Variants in CSMD3 observed in about 807,000 individuals in gnomAD.
CSMD3 encodes the protein CUB and sushi domain-containing protein 3.
A neutral mutation model predicts 435.2 loss-of-function variants in CSMD3; 177 were observed. The ratio of observed to expected loss-of-function variants is 0.41; its 90% CI spans 0.36 to 0.46. The LOEUF is 0.46. CSMD3 is among the 20% of genes least tolerant of loss of function. The probability of loss-of-function intolerance (pLI) is 0.34; values close to 1 mark genes in which losing one functional copy is unlikely to be tolerated. For missense variants in CSMD3, 4,265 were observed against 4,504.6 expected, an observed-to-expected ratio of 0.95 and a Z score of 1.52; for synonymous variants, 1,656 against 1,520.5, an observed-to-expected ratio of 1.09 and a Z score of -2.07.
At chr8:113,013,746 A>G (rs1045709959) in intron 6 of CSMD3, among the ~76,000 whole-genome samples, 6 of 152,034 alleles carry the variant, frequency 3.9e-5, no homozygotes, top group Non-Finnish European at 8.8e-5. Flanking sequence ...GAGCCTGGGG[A>G]GCGAGTCCAT....
chr8:113,286,943 TGAA>T (rs989613524), intron 2 of CSMD3, among the ~76,000 whole-genome samples: 88 of 151,544 alleles, frequency 5.8e-4, no homozygotes, highest in African/African-American at 1.9e-3. Flanking sequence ...GAATGACTGA[TGAA>T]GAAAGAAATA....
At chr8:113,099,876 T>C (rs571260825) in intron 4 of CSMD3, among the ~76,000 whole-genome samples, 60 of 152,248 alleles carry the variant, frequency 3.9e-4, no homozygotes, top group Admixed American at 7.2e-4. Flanking sequence ...AGTTCACTTG[T>C]GAAATAAATT....
chr8:112,686,840 GT>G (rs1489410623), intron 14 of CSMD3, among the ~76,000 whole-genome samples: 2 of 151,808 alleles, frequency 1.3e-5, no homozygotes, highest in African/African-American at 4.8e-5. Context: ...ACTAAATTAT[GT>G]TTTCCTTATA....
Position 112,255,315 on chromosome 8 carries a change from T to C in CSMD3, c.9975A>G (p.Gly3325=), listed in dbSNP as rs780343810. ...FSCNFPFILV[G]SSTRICQADG... ...CTGCTTGACATATTCTGGTGCTTGA[T>C]CCCACTAATATGAAAGGAAAATTGC... The change falls in exon 62 of 71, where the codon GGA becomes GGG. Residue 3325 remains glycine (G), a synonymous_variant. Coordinates refer to ENST00000297405, the MANE Select transcript of CSMD3 (RefSeq NM_198123.2). The C allele has an allele frequency of 6.2e-7, 1 of 1,613,552 alleles. No individual in the cohort carries two copies. Among genetic ancestry groups the C allele is most frequent in the South Asian group, 1.1e-5 (1 of 91,078 alleles).
At chr8:112,345,466 A>C (rs1270825269) in intron 41 of CSMD3, among the ~76,000 whole-genome samples, 1 of 152,154 alleles carries the variant, frequency 6.6e-6, no homozygotes, top group Non-Finnish European at 1.5e-5. Flanking sequence ...GGAGGGCATT[A>C]TGTTAAGTGC....
At chr8:112,294,777 C>T (rs915344459) in intron 54 of CSMD3, among the ~76,000 whole-genome samples, 1 of 152,028 alleles carries the variant, frequency 6.6e-6, no homozygotes, top group African/African-American at 2.4e-5. Context: ...GGATATATGT[C>T]GAACTGGTGA....
chr8:112,471,119 T>A (rs1210496697), intron 32 of CSMD3, among the ~76,000 whole-genome samples: 3 of 152,168 alleles, frequency 2.0e-5, no homozygotes, highest in Admixed American at 1.3e-4. Flanking sequence ...ATCTCCAGGA[T>A]GACCAGCATG....
intron 1 of CSMD3, among the ~76,000 whole-genome samples, chr8:113,355,170 A>G (rs965977962): frequency 6.6e-6 from 1 of 152,210 alleles, no homozygotes; most frequent in African/African-American, 2.4e-5. Flanking sequence ...TAACATAAAC[A>G]AGTATCATAT....
intron 7 of CSMD3, among the ~76,000 whole-genome samples, chr8:112,967,457 T>C (rs7840573): frequency 0.61 from 92,727 of 151,652 alleles, 30,133 homozygotes; most frequent in East Asian, 0.95. Flanking sequence ...AGGTTTTATT[T>C]TTCTCAAGTT....
chr8:112,944,319 T>C (rs1268629426), intron 9 of CSMD3, among the ~76,000 whole-genome samples: 1 of 151,712 alleles, frequency 6.6e-6, no homozygotes, highest in Non-Finnish European at 1.5e-5. Context: ...TTCTATTAGA[T>C]TGAAAATAAT....
chr8:113,208,679 G>A (rs918967630), intron 3 of CSMD3, among the ~76,000 whole-genome samples: 1 of 151,940 alleles, frequency 6.6e-6, no homozygotes, highest in African/African-American at 2.4e-5. Flanking sequence ...ATGAAAAAAG[G>A]TAATTAACAT....
chr8:113,182,740 T>C (rs1244958829), intron 3 of CSMD3, among the ~76,000 whole-genome samples: 3 of 152,020 alleles, frequency 2.0e-5, no homozygotes, highest in Non-Finnish European at 4.4e-5. Context: ...CTTTGTCCTT[T>C]GTCTATAAGG....
At chr8:112,228,445 T>G (rs1391631009) in intron 70 of CSMD3, among the ~76,000 whole-genome samples, 4 of 152,200 alleles carry the variant, frequency 2.6e-5, no homozygotes, top group African/African-American at 9.6e-5. Flanking sequence ...AGATTTTCTA[T>G]CTCTAAAGTC....
chr8:112,273,371 C>G (rs1191681056), intron 59 of CSMD3, among the ~76,000 whole-genome samples: 1 of 152,022 alleles, frequency 6.6e-6, no homozygotes, highest in Non-Finnish European at 1.5e-5. Flanking sequence ...TTATTGAAAA[C>G]TTACTATATG....
intron 58 of CSMD3, among the ~76,000 whole-genome samples, chr8:112,284,395 A>G (rs1480519889): frequency 1.3e-5 from 2 of 151,858 alleles, no homozygotes; most frequent in African/African-American, 4.8e-5. Flanking sequence ...AAAAATACCA[A>G]TAATTTCACA....
At chr8:112,866,321 G>A (rs1327620282) in intron 10 of CSMD3, among the ~76,000 whole-genome samples, 1 of 152,034 alleles carries the variant, frequency 6.6e-6, no homozygotes, top group Non-Finnish European at 1.5e-5. Context: ...GTTGTGCTAT[G>A]TCACCCATAA....
intron 1 of CSMD3, among the ~76,000 whole-genome samples, chr8:113,335,831 G>A (rs2094070108): frequency 6.6e-6 from 1 of 151,780 alleles, no homozygotes. Flanking sequence ...TATAAGCGTG[G>A]AGCCCTTTTG....
In CSMD3 at chr8:112,921,638, G is replaced by A. The variant is rs2130630109; in HGVS notation, c.1622C>T (p.Pro541Leu). Residue 541 changes from proline to leucine, a missense_variant, in exon 10 of 71, where the codon CCT becomes CTT. Pro to Leu is a moderately conservative substitution (Grantham distance 98, BLOSUM62 -3). Coordinates refer to ENST00000297405, the MANE Select transcript of CSMD3 (RefSeq NM_198123.2). ...TTATAAAACATTACCTTTACACACA[G>A]GCCTGTGATCACTCCAAGCAGCAAA... ...EVFAAWSDHR[P>L]VCKVKTCGSN... 6.2e-7 allele frequency: 1 copy of A among 1,612,468 alleles called. No individual in the cohort carries two copies. The highest frequency in any genetic ancestry group is 2.2e-5 in the East Asian group (1 of 44,796).
chr8:112,622,367 T>G (rs1834141972), intron 22 of CSMD3, among the ~76,000 whole-genome samples: 1 of 152,148 alleles, frequency 6.6e-6, no homozygotes, highest in African/African-American at 2.4e-5. Flanking sequence ...AAGCCTAAAT[T>G]TGTTATTCAT....
Sources: allele counts gnomAD v4.1 joint callset (sites outside exome capture counted in the v4.1 genomes callset), GRCh38; gene constraint gnomAD v4.1.1; transcripts MANE v1.5; gene names NCBI Gene and HGNC (gene_info 2026-07-23, HGNC 2026-07-21).